Variants in SLC45A1 observed in about 807,000 individuals in gnomAD.
SLC45A1 encodes the protein proton-associated sugar transporter A.
In SLC45A1, 28 loss-of-function variants were observed where a neutral mutation model predicts 57.6. The ratio of observed to expected loss-of-function variants is 0.49; its 90% CI spans 0.36 to 0.67. The LOEUF (loss-of-function observed/expected upper bound fraction) is 0.67. SLC45A1 is among the 30% of genes least tolerant of loss of function. The pLI, the probability that SLC45A1 is intolerant of heterozygous loss-of-function variation, is 0.00. For synonymous variants in SLC45A1, 459 were observed against 471.5 expected, an observed-to-expected ratio of 0.97 and a Z score of 0.34; for missense variants, 814 against 1,041.5, an observed-to-expected ratio of 0.78 and a Z score of 3.01.
rs771265164 is a variant in SLC45A1 at position 8,339,524 on chromosome 1, C to T, written c.1806C>T (p.Ser602=). 13 of 1,614,062 alleles carry T rather than the reference C, an allele frequency of 8.1e-6. No individual in the cohort carries two copies. Among genetic ancestry groups the T allele is most frequent in the African/African-American group, 2.7e-5 (2 of 74,930 alleles). The change falls in exon 8 of 9, where the codon AGC becomes AGT. Residue 602 remains serine, a synonymous_variant. Transcript: ENST00000471889. ...TGGAGAAGCTGGAGGAGTTCCTCAG[C>T]GTCCGCACCCTCTACTTCATCGCCT... is the stretch of plus-strand genomic sequence containing the variant. ...AILEKLEEFL[S]VRTLYFIAYL... is the part of the protein sequence containing the mutation.
At chr1:8,333,217 C>T (rs932168198) in intron 5 of SLC45A1, among the ~76,000 whole-genome samples, 2 of 151,634 alleles carry the variant, frequency 1.3e-5, no homozygotes, top group African/African-American at 4.9e-5. Context: ...GGGGCTTGCA[C>T]TGTTCATTTT....
Position 8,325,645 on chromosome 1 carries a change from C to G in SLC45A1, c.491-173C>G, listed in dbSNP as rs1407430067. Among the ~76,000 whole-genome samples the G allele has an allele frequency of 1.3e-5, 2 of 152,172 alleles. No homozygotes were observed. The highest frequency in any genetic ancestry group is 4.8e-5 in the African/African-American group (2 of 41,440). On this transcript the variant is annotated intron_variant, in intron 3 of 8. Coordinates refer to ENST00000471889, the MANE Select transcript of SLC45A1 (RefSeq NM_001080397.3). The surrounding 1 kb of genome is among the most constrained non-coding windows in gnomAD (Gnocchi z 6.3). Reference sequence around the variant, plus strand: ...CTCTGCTTAATGAAATAAAAACCCCCATCCAAGTGCAAAATATATGGTGAG... The same window carrying G: ...CTCTGCTTAATGAAATAAAAACCCCGATCCAAGTGCAAAATATATGGTGAG...
At chr1:8,319,086 G>T (rs1367079814) in intron 1 of SLC45A1, among the ~76,000 whole-genome samples, 1 of 152,282 alleles carries the variant, frequency 6.6e-6, no homozygotes, top group East Asian at 1.9e-4. Context: ...TTCAAGACCA[G>T]CCTGGCCAAC....
chr1:8,329,314 C>T (rs915719164), intron 4 of SLC45A1, among the ~76,000 whole-genome samples: 5 of 152,182 alleles, frequency 3.3e-5, no homozygotes, highest in Non-Finnish European at 7.3e-5. Context: ...TCACCAGCAG[C>T]GGTAAACCGA....
intron 7 of SLC45A1, 111 bp from the exon 8 acceptor site, chr1:8,339,382 C>A: frequency 1.9e-6 from 2 of 1,034,366 alleles, no homozygotes; most frequent in Non-Finnish European, 2.9e-6. Context: ...ACCTGCCAAG[C>A]CGGGTCCCAC....
chr1:8,332,175 G>T (rs867494802), intron 5 of SLC45A1, among the ~76,000 whole-genome samples: 9 of 152,302 alleles, frequency 5.9e-5, no homozygotes, highest in South Asian at 2.1e-4. Flanking sequence ...GAGGCATAGT[G>T]TGCACCCCAC....
In SLC45A1 at chr1:8,330,298, A is replaced by G. The variant is rs1320503726; in HGVS notation, c.805A>G (p.Ile269Val). 5.6e-6 allele frequency: 9 copies of G among 1,613,644 alleles called. No individual in the cohort carries two copies. The highest frequency in any genetic ancestry group is 6.8e-6 in the Non-Finnish European group (8 of 1,179,958). The change falls in exon 5 of 9, where the codon ATT becomes GTT. Residue 269 changes from isoleucine (I) to valine (V), a missense_variant. Coordinates refer to ENST00000471889, the MANE Select transcript of SLC45A1 (RefSeq NM_001080397.3). The surrounding 1 kb of genome is among the most constrained non-coding windows in gnomAD (Gnocchi z 8.4). ...GGCCCTGGGGGGACAGCTCCGAGTC[A>G]TTTACCTCTTCACTGCGGTCACCCT... ...GRALGGQLRV[I>V]YLFTAVTLSV... is the part of the protein sequence containing the mutation.
intron 7 of SLC45A1, among the ~76,000 whole-genome samples, chr1:8,338,928 T>A (rs561166262): frequency 3.8e-4 from 58 of 152,294 alleles, no homozygotes; most frequent in Middle Eastern, 3.4e-3. Flanking sequence ...AGAAGAAATT[T>A]GTCAGATCTC....
chr1:8,336,344 A>G (rs1202616824), intron 6 of SLC45A1, among the ~76,000 whole-genome samples: 1 of 150,838 alleles, frequency 6.6e-6, no homozygotes. Context: ...CGGGAGGCAG[A>G]GGTTGCAATG....
chr1:8,331,897 A>G (rs1246278921), intron 5 of SLC45A1, among the ~76,000 whole-genome samples: 2 of 149,474 alleles, frequency 1.3e-5, no homozygotes, highest in Admixed American at 1.3e-4. Context: ...GGTTCACGCC[A>G]TTCTTCTGCC....
chr1:8,341,952 A>G (rs533493891), intron 8 of SLC45A1, among the ~76,000 whole-genome samples: 1 of 151,972 alleles, frequency 6.6e-6, no homozygotes, highest in Non-Finnish European at 1.5e-5. Flanking sequence ...TCACGCCTGT[A>G]ATCCCAGCAC....
At chr1:8,320,911 A>G (rs4908750) in intron 1 of SLC45A1, among the ~76,000 whole-genome samples, 112,616 of 151,982 alleles carry the variant, frequency 0.74, 42,209 homozygotes, top group East Asian at 0.81. Context: ...GCAGAGGGAC[A>G]GAAAGGGAGA....
At chr1:8,339,128 A>G (rs1037969020) in intron 7 of SLC45A1, among the ~76,000 whole-genome samples, 3 of 152,136 alleles carry the variant, frequency 2.0e-5, no homozygotes, top group African/African-American at 7.2e-5. Flanking sequence ...TGTACCCACA[A>G]TTACACAAGA....
In SLC45A1 at chr1:8,337,904, A is replaced by G. The variant is rs911305929; in HGVS notation, c.1686A>G (p.Thr562=). The G allele has an allele frequency of 1.2e-6, 2 of 1,614,106 alleles. No homozygotes were observed. Among genetic ancestry groups the G allele is most frequent in the Non-Finnish European group, 1.7e-6 (2 of 1,180,002 alleles). The change falls in exon 7 of 9, where the codon ACA becomes ACG. Residue 562 remains threonine, a synonymous_variant. Coordinates refer to ENST00000471889, the MANE Select transcript of SLC45A1 (RefSeq NM_001080397.3). The part of the protein sequence containing the change: ...VFQGDPKAPH[T]SEAYQKYNSG... ...AGGGGGACCCCAAGGCCCCGCACAC[A>G]TCAGAGGCGTATCAGAAGTACAACA...
Position 8,330,174 on chromosome 1 carries a change from G to A in SLC45A1, c.716-35G>A, listed in dbSNP as rs368791442. The A allele has an allele frequency of 1.5e-4, 242 of 1,596,912 alleles. 3 individuals are homozygous for A. The African/African-American group carries it at 2.7e-3, about 18-fold the overall frequency. Reference sequence around the variant, plus strand: ...CACCGCGTTTGGGGCTTCTCCTCCCGCAGAAGGGAACTCAAACCCTGTCTC... The same window carrying A: ...CACCGCGTTTGGGGCTTCTCCTCCCACAGAAGGGAACTCAAACCCTGTCTC... On this transcript the variant is annotated intron_variant, in intron 4 of 8. Transcript: ENST00000471889. The surrounding 1 kb of genome is among the most constrained non-coding windows in gnomAD (Gnocchi z 8.4).
Position 8,326,159 on chromosome 1 carries a change from A to C in SLC45A1, c.715+117A>C. Reference sequence around the variant, plus strand: ...ACAAAGAAGCTGGGAGAATTCCAATACATGGAGAAACACTGAAGTGATTGA... The same window carrying C: ...ACAAAGAAGCTGGGAGAATTCCAATCCATGGAGAAACACTGAAGTGATTGA... On this transcript the variant is annotated intron_variant, in intron 4 of 8. Coordinates refer to ENST00000471889, the MANE Select transcript of SLC45A1 (RefSeq NM_001080397.3). This position sits in a 1 kb window ranked among gnomAD's most constrained non-coding sequence, Gnocchi z 5.5. The C allele has an allele frequency of 1.4e-6, 1 of 724,568 alleles. No individual in the cohort carries two copies. Among genetic ancestry groups the C allele is most frequent in the Non-Finnish European group, 2.3e-6 (1 of 436,952 alleles). 44.9% of individuals were successfully genotyped at this position (724,568 alleles called of 1,614,324 possible).
rs574598878 is a variant in SLC45A1 at position 8,330,373 on chromosome 1, C to T, written c.880C>T (p.Arg294Trp). 18 of 1,612,966 alleles carry T rather than the reference C, an allele frequency of 1.1e-5. No individual in the cohort carries two copies. The highest frequency in any genetic ancestry group is 5.5e-5 in the South Asian group (5 of 91,074). Residue 294 changes from arginine to tryptophan, a missense_variant, in exon 5 of 9, where the codon CGG (arginine) becomes TGG (tryptophan). Physicochemically the swap from Arg to Trp is moderately radical, Grantham distance 101. Coordinates refer to ENST00000471889, the MANE Select transcript of SLC45A1 (RefSeq NM_001080397.3). The surrounding 1 kb of genome is among the most constrained non-coding windows in gnomAD (Gnocchi z 8.4). ...TLVSIPERPL[R>W]PPSEKRAAMK... ...GGTCAGCATCCCTGAGAGGCCGCTG[C>T]GGCCGCCGAGTGAGAAGCGGGCAGC... is the stretch of plus-strand genomic sequence containing the variant.
Position 8,335,268 on chromosome 1 carries a change from G to A in SLC45A1, c.1444-169G>A, listed in dbSNP as rs990399833. 6.6e-6 allele frequency among the ~76,000 whole-genome samples: 1 copy of A among 152,202 alleles called. No individual in the cohort carries two copies. The highest frequency in any genetic ancestry group is 2.4e-5 in the African/African-American group (1 of 41,448). ...GCCTCGGAAACAATGCCCTGAATTT[G>A]TTCCTCTGAGGTTGGCGTCGACACG... On this transcript the variant is annotated intron_variant, in intron 5 of 8. Transcript: ENST00000471889. The surrounding 1 kb of genome is among the most constrained non-coding windows in gnomAD (Gnocchi z 4.1).
Position 8,335,621 on chromosome 1 carries a change from C to A in SLC45A1, c.1597+31C>A. 5 of 1,571,530 alleles carry A rather than the reference C, an allele frequency of 3.2e-6. No homozygotes were observed. Among genetic ancestry groups the A allele is most frequent in the Non-Finnish European group, 4.3e-6 (5 of 1,162,460 alleles). On this transcript the variant is annotated intron_variant, in intron 6 of 8. Coordinates refer to ENST00000471889, the MANE Select transcript of SLC45A1 (RefSeq NM_001080397.3). The surrounding 1 kb of genome is among the most constrained non-coding windows in gnomAD (Gnocchi z 4.1). ...CTCCCGGCCAAGCCTCCCCGTGAGT[C>A]CTGGTCCTGCTCAGGGCTCTCGCCC...
Sources: gnomAD v4.1 joint callset for allele counts (sites outside exome capture counted in the v4.1 genomes callset) on GRCh38, gnomAD v4.1.1 for gene constraint, Gnocchi (gnomAD v3.1) non-coding constraint, MANE v1.5 for transcripts, NCBI Gene and HGNC (gene_info 2026-07-23, HGNC 2026-07-21) for gene names.